The following TASP1 variants were observed in gnomAD, a reference collection of about 807,000 sequenced individuals.
TASP1 encodes taspase 1.
Under a neutral mutation model 56.6 loss-of-function variants are expected in TASP1, and 16 were observed. The ratio of observed to expected loss-of-function variants is 0.28; its 90% CI spans 0.19 to 0.43. TASP1 has a LOEUF of 0.43. Among genes scored for constraint, TASP1 ranks in the 20% least tolerant of loss-of-function variants. The pLI is 1.00. For missense variants in TASP1, 393 were observed against 511.6 expected (o/e 0.77, Z 2.24); for synonymous variants, 179 against 184.2 (o/e 0.97, Z 0.23).
chr20:13,278,270 T>G, the TASP1 span, among the ~76,000 whole-genome samples: 1 of 152,168 alleles, frequency 6.6e-6, no homozygotes, highest in African/African-American at 2.4e-5. Flanking sequence ...AAATGAGACT[T>G]TCATAAATCT....
chr20:13,580,865 A>G, intron 6 of TASP1, 32 bp downstream of exon 6: 1 of 1,609,866 alleles, frequency 6.2e-7, no homozygotes, highest in South Asian at 1.1e-5. Context: ...TGCACTAAAG[A>G]CAGGGAAAGT....
At chr20:13,496,045 T>G (rs1336713912) in intron 10 of TASP1, among the ~76,000 whole-genome samples, 2 of 152,022 alleles carry the variant, frequency 1.3e-5, no homozygotes, top group Non-Finnish European at 2.9e-5. Context: ...AGGTTTCAAT[T>G]TGATTTTGAT....
At chr20:13,504,702 G>C (rs2146669713) in intron 10 of TASP1, among the ~76,000 whole-genome samples, 1 of 152,136 alleles carries the variant, frequency 6.6e-6, no homozygotes, top group Non-Finnish European at 1.5e-5. Context: ...GTAAATTGTG[G>C]TATCAAAAAC....
intron 7 of TASP1, among the ~76,000 whole-genome samples, chr20:13,566,918 G>A (rs577011274): frequency 1.6e-4 from 25 of 152,172 alleles, no homozygotes; most frequent in East Asian, 5.8e-4. Flanking sequence ...TAGCAACCCC[G>A]TTACTGAGTA....
At chr20:13,486,795 T>C (rs2043333264) in intron 10 of TASP1, among the ~76,000 whole-genome samples, 1 of 152,152 alleles carries the variant, frequency 6.6e-6, no homozygotes, top group South Asian at 2.1e-4. Flanking sequence ...AAAAAAACTG[T>C]ACTTGAATCC....
the TASP1 span, among the ~76,000 whole-genome samples, chr20:13,258,518 C>T: frequency 6.6e-6 from 1 of 152,184 alleles, no homozygotes; most frequent in Non-Finnish European, 1.5e-5. Context: ...CAGACTCAAA[C>T]TGATACATCC....
chr20:13,350,942 C>G, the TASP1 span, among the ~76,000 whole-genome samples: 1 of 150,830 alleles, frequency 6.6e-6, no homozygotes, highest in African/African-American at 2.4e-5. Context: ...CTCAAGTAAT[C>G]CTTGCACCTT....
chr20:13,488,196 T>G (rs781256204), intron 10 of TASP1, among the ~76,000 whole-genome samples: 2 of 151,952 alleles, frequency 1.3e-5, no homozygotes, highest in Non-Finnish European at 2.9e-5. Context: ...AAACTGAAGA[T>G]CCACAGAGTT....
intron 5 of TASP1, among the ~76,000 whole-genome samples, chr20:13,581,476 A>G (rs903363573): frequency 4.6e-5 from 7 of 152,236 alleles, no homozygotes; most frequent in African/African-American, 1.7e-4. Context: ...CAAAAATTTT[A>G]AATGTCACCT....
At chr20:13,513,995 G>A (rs2044432385) in intron 10 of TASP1, among the ~76,000 whole-genome samples, 1 of 152,120 alleles carries the variant, frequency 6.6e-6, no homozygotes, top group African/African-American at 2.4e-5. Context: ...ACTTTTGCAT[G>A]AGAAGGAAAG....
chr20:13,636,751 G>A lies in TASP1; in HGVS notation c.-75+2143C>T, dbSNP rs1411859057. ...TGATTTTCAACAAGAGTGTTGAAAT[G>A]GTTTCTACCATTCAATGGAGGAAAG... On this transcript the variant is annotated intron_variant, in intron 1 of 13. Transcript: ENST00000337743. 2.6e-5 allele frequency among the ~76,000 whole-genome samples: 4 copies of A among 152,060 alleles called. No individual in the cohort carries two copies. In the East Asian group the frequency reaches 7.7e-4, roughly 29 times the overall value.
At chr20:13,501,152 A>G (rs2043930446) in intron 10 of TASP1, among the ~76,000 whole-genome samples, 1 of 152,050 alleles carries the variant, frequency 6.6e-6, no homozygotes, top group African/African-American at 2.4e-5. Flanking sequence ...AGGGGAAGTA[A>G]AGATATTTCT....
the TASP1 span, among the ~76,000 whole-genome samples, chr20:13,119,711 A>C: frequency 6.6e-6 from 1 of 152,170 alleles, no homozygotes; most frequent in Non-Finnish European, 1.5e-5. Context: ...GATGGCAGCA[A>C]GAATTAGAGC....
At chr20:13,206,538 G>T in the TASP1 span, among the ~76,000 whole-genome samples, 4 of 152,068 alleles carry the variant, frequency 2.6e-5, no homozygotes, top group African/African-American at 9.7e-5. Flanking sequence ...TTAATTTCTT[G>T]CTCATGGAGA....
chr20:13,542,200 T>C (rs2045649585), intron 8 of TASP1, among the ~76,000 whole-genome samples: 1 of 152,006 alleles, frequency 6.6e-6, no homozygotes, highest in African/African-American at 2.4e-5. Flanking sequence ...GAAAAAACGA[T>C]ACACCAAGCA....
intron 4 of TASP1, among the ~76,000 whole-genome samples, chr20:13,607,276 C>T (rs900112599): frequency 3.9e-5 from 6 of 152,196 alleles, no homozygotes; most frequent in African/African-American, 9.7e-5. Flanking sequence ...TCTCCCACCA[C>T]GACATGGAAA....
chr20:13,379,196 T>C, the TASP1 span, among the ~76,000 whole-genome samples: 1 of 152,342 alleles, frequency 6.6e-6, no homozygotes, highest in South Asian at 2.1e-4. Flanking sequence ...TTGATATGTT[T>C]TTGCAGTGGC....
At chr20:13,546,187 G>T (rs1382440990) in intron 8 of TASP1, among the ~76,000 whole-genome samples, 1 of 123,070 alleles carries the variant, frequency 8.1e-6, no homozygotes, top group Admixed American at 8.3e-5. Context: ...GAGGCCAAAG[G>T]TTAAAAAAAA....
the TASP1 span, chr20:13,288,504 C>T: frequency 6.2e-7 from 1 of 1,605,300 alleles, no homozygotes; most frequent in African/African-American, 1.3e-5. Flanking sequence ...GACTCTTTGG[C>T]CAAAGTTGAT....
Sources: gnomAD v4.1 joint callset for allele counts (sites outside exome capture counted in the v4.1 genomes callset) on GRCh38, gnomAD v4.1.1 for gene constraint, MANE v1.5 for transcripts, NCBI Gene and HGNC (gene_info 2026-07-23, HGNC 2026-07-21) for gene names.